The following UBAP2 variants were observed in gnomAD, a reference collection of about 807,000 sequenced individuals.
UBAP2 encodes the protein ubiquitin associated protein 2.
In UBAP2, 75 loss-of-function variants were observed where a neutral mutation model predicts 139.6. The ratio of observed to expected loss-of-function variants is 0.54; its 90% CI spans 0.45 to 0.65. The LOEUF (loss-of-function observed/expected upper bound fraction) is 0.65, where lower values mean the gene tolerates loss of function less well. Among genes scored for constraint, UBAP2 ranks in the 30% least tolerant of loss-of-function variants. The pLI, the probability that UBAP2 is intolerant of heterozygous loss-of-function variation, is 0.00. For missense variants in UBAP2, 1,368 were observed against 1,369.6 expected (o/e 1.00, Z 0.02); for synonymous variants, 526 against 526.2 (o/e 1.00, Z 0.01).
chr9:33,978,554 C>G (rs944449906), intron 6 of UBAP2, among the ~76,000 whole-genome samples: 4 of 152,052 alleles, frequency 2.6e-5, no homozygotes, highest in Admixed American at 2.0e-4. Context: ...AGGCGGATCA[C>G]GAGATCAGGA....
chr9:33,923,427 G>A lies in UBAP2; in HGVS notation c.2848C>T (p.Pro950Ser). ...QHGVNLSTPT[P>S]PFQQASGYGQ... ...TAACCACTGGCCTGCTGGAAGGGAG[G>A]TGTGGGAGTGCTGAGGTTCACCCCA... is the stretch of plus-strand genomic sequence containing the variant. The change falls in exon 25 of 29, where the codon CCT becomes TCT. Residue 950 changes from proline to serine, a missense_variant. Transcript: ENST00000379238. 1 of 1,614,164 alleles carries A rather than the reference G, an allele frequency of 6.2e-7. No homozygotes were observed. Among genetic ancestry groups the A allele is most frequent in the Non-Finnish European group, 8.5e-7 (1 of 1,180,022 alleles).
intron 16 of UBAP2, among the ~76,000 whole-genome samples, chr9:33,937,768 A>T (rs1375488889): frequency 1.3e-5 from 2 of 150,868 alleles, no homozygotes; most frequent in Non-Finnish European, 3.0e-5. Context: ...AAAAAAAAAA[A>T]AAAATTAGCC....
At chr9:33,939,295 C>G (rs1018281783) in intron 16 of UBAP2, among the ~76,000 whole-genome samples, 3 of 143,048 alleles carry the variant, frequency 2.1e-5, no homozygotes, top group Admixed American at 7.4e-5. Flanking sequence ...CTCCCAGGTT[C>G]AAGCGATTCT....
At chr9:34,017,777 G>C (rs1220650777) in intron 1 of UBAP2, among the ~76,000 whole-genome samples, 1 of 151,894 alleles carries the variant, frequency 6.6e-6, no homozygotes, top group African/African-American at 2.4e-5. Flanking sequence ...ATACAAAAAA[G>C]TTAGCCGGGC....
At chr9:34,032,465 G>A (rs1825968416) in intron 1 of UBAP2, among the ~76,000 whole-genome samples, 1 of 152,030 alleles carries the variant, frequency 6.6e-6, no homozygotes, top group Non-Finnish European at 1.5e-5. Context: ...ACAGGAAAGG[G>A]GATAAAGGAG....
intron 1 of UBAP2, among the ~76,000 whole-genome samples, chr9:34,019,593 C>T (rs1166571881): frequency 1.3e-5 from 2 of 151,762 alleles, no homozygotes; most frequent in African/African-American, 4.8e-5. Flanking sequence ...AGATGGACGG[C>T]AGTGGTGGTT....
chr9:34,042,718 C>T (rs115475149), intron 1 of UBAP2, among the ~76,000 whole-genome samples: 2,477 of 152,016 alleles, frequency 0.016, 59 homozygotes, highest in African/African-American at 0.056. Context: ...AGCTGGCATA[C>T]ACAGGAGACT....
Position 34,035,514 on chromosome 9 carries a change from A to AAAAATATATAT in UBAP2, c.-42+13310_-42+13311insATATATATTTT. On this transcript the variant is annotated intron_variant, in intron 1 of 28. Transcript: ENST00000379238. ...GAGACTCCATCTAAAAAAAAAAAAA[A>AAAAATATATAT]ATATATATATATAAAGATTAGCCAG... is the stretch of plus-strand genomic sequence containing the variant. Among the ~76,000 whole-genome samples, 208 of 22,500 alleles carry AAAAATATATAT rather than the reference A, an allele frequency of 9.2e-3. 21 individuals are homozygous for AAAAATATATAT. Among genetic ancestry groups the AAAAATATATAT allele is most frequent in the African/African-American group, 0.024 (189 of 7,858 alleles). 14.8% of individuals were successfully genotyped at this position (22,500 alleles called of 152,430 possible).
At chr9:34,033,501 G>T (rs1050599225) in intron 1 of UBAP2, among the ~76,000 whole-genome samples, 5 of 152,050 alleles carry the variant, frequency 3.3e-5, no homozygotes, top group Admixed American at 3.3e-4. Flanking sequence ...GGTAGGGATG[G>T]TTATTGAGTA....
chr9:33,939,564 C>A (rs1329452278), intron 16 of UBAP2, among the ~76,000 whole-genome samples: 1 of 149,200 alleles, frequency 6.7e-6, no homozygotes, highest in African/African-American at 2.5e-5. Flanking sequence ...TTGAGACTAG[C>A]CTGGGTAACA....
chr9:33,952,107 A>T (rs2130969403), intron 12 of UBAP2, among the ~76,000 whole-genome samples: 1 of 152,372 alleles, frequency 6.6e-6, no homozygotes, highest in African/African-American at 2.4e-5. Context: ...AGGGTAAAAC[A>T]AACGATTTGA....
intron 11 of UBAP2, among the ~76,000 whole-genome samples, chr9:33,954,052 G>A (rs932505920): frequency 5.9e-5 from 9 of 151,896 alleles, no homozygotes; most frequent in Non-Finnish European, 1.3e-4. Context: ...GATTACAGGC[G>A]TGTGCCACCA....
At chr9:33,991,430 T>C (rs1408996017) in intron 4 of UBAP2, among the ~76,000 whole-genome samples, 1 of 152,156 alleles carries the variant, frequency 6.6e-6, no homozygotes. Flanking sequence ...GTCTAGTGTA[T>C]CCATAAATGG....
At chr9:33,968,475 T>C in intron 8 of UBAP2, 2 of 547,820 alleles carry the variant, frequency 3.7e-6, no homozygotes, top group South Asian at 2.9e-5. Context: ...AGCTTCAGGT[T>C]GGGACATTTG....
At chr9:33,934,819 G>A (rs553396441) in intron 17 of UBAP2, among the ~76,000 whole-genome samples, 1 of 152,294 alleles carries the variant, frequency 6.6e-6, no homozygotes, top group East Asian at 1.9e-4. Context: ...ACCACTGCTA[G>A]AGTCAAAAGT....
chr9:34,034,891 A>C (rs939045880), intron 1 of UBAP2, among the ~76,000 whole-genome samples: 4 of 151,920 alleles, frequency 2.6e-5, no homozygotes, highest in Admixed American at 2.0e-4. Context: ...AACAAACAAA[A>C]AAAAAACGAA....
chr9:33,981,064 C>CAT lies in UBAP2; in HGVS notation c.520+5694_520+5695dup, dbSNP rs552165278. Among the ~76,000 whole-genome samples, 44 of 5,274 alleles carry CAT rather than the reference C, an allele frequency of 8.3e-3. 15 individuals are homozygous for CAT. Among genetic ancestry groups the CAT allele is most frequent in the East Asian group, 0.071 (12 of 168 alleles). The allele number at this position is 5,274 out of a possible 152,430, so 3.5% of individuals were successfully genotyped here. ...AAAAATAATATGGGCTTATTTACTT[C>CAT]ATATATATATATATATATATATATA... is the stretch of plus-strand genomic sequence containing the variant. On this transcript the variant is annotated intron_variant, in intron 6 of 28. Coordinates refer to ENST00000379238, the MANE Select transcript of UBAP2 (RefSeq NM_001370062.2).
intron 19 of UBAP2, among the ~76,000 whole-genome samples, chr9:33,930,202 A>G (rs1823847727): frequency 6.6e-6 from 1 of 152,158 alleles, no homozygotes; most frequent in Non-Finnish European, 1.5e-5. Context: ...GTGTAATAGG[A>G]TATTTCATTC....
At chr9:33,943,644 AAGGC>A in intron 14 of UBAP2, 55 bp from the exon 15 acceptor site, 1 of 1,590,556 alleles carries the variant, frequency 6.3e-7, no homozygotes, top group Non-Finnish European at 8.6e-7. Context: ...CCAGGTCACA[AAGGC>A]CTATAACAGA....
Sources: gnomAD v4.1 joint callset for allele counts (sites outside exome capture counted in the v4.1 genomes callset) on GRCh38, gnomAD v4.1.1 for gene constraint, MANE v1.5 for transcripts, NCBI Gene and HGNC (gene_info 2026-07-23, HGNC 2026-07-21) for gene names.